The following MAEA variants were observed in gnomAD, a reference collection of about 807,000 sequenced individuals.
The protein encoded by MAEA is macrophage erythroblast attacher, E3 ubiquitin ligase.
In MAEA, 22 loss-of-function variants were observed where a neutral mutation model predicts 46.2. That is an observed-to-expected ratio of 0.48 (90% CI 0.34 to 0.68). The LOEUF (loss-of-function observed/expected upper bound fraction) is 0.68, where lower values mean the gene tolerates loss of function less well. Ranked by LOEUF, MAEA falls within the 30% of genes least tolerant of loss-of-function variation. MAEA has a pLI of 0.01. For synonymous variants in MAEA, 246 were observed against 222.6 expected (o/e 1.11, Z -0.94); for missense variants, 393 against 558.1 (o/e 0.70, Z 2.98).
intron 1 of MAEA, among the ~76,000 whole-genome samples, chr4:1,293,431 T>A (rs1385469483): frequency 6.6e-6 from 1 of 152,204 alleles, no homozygotes; most frequent in East Asian, 1.9e-4. Flanking sequence ...TTTCTTCAAG[T>A]TACCCTGCTG....
At chr4:1,327,908 G>A (rs899706216) in intron 5 of MAEA, among the ~76,000 whole-genome samples, 2 of 152,176 alleles carry the variant, frequency 1.3e-5, no homozygotes, top group Non-Finnish European at 2.9e-5. Flanking sequence ...AGCCTGGCAG[G>A]GCCCCCGCCA....
At chr4:1,298,929 G>A (rs148244778) in intron 1 of MAEA, among the ~76,000 whole-genome samples, 5,820 of 152,046 alleles carry the variant, frequency 0.038, 250 homozygotes, top group East Asian at 0.2. Flanking sequence ...GCACCCAGGC[G>A]GGAGTGCAGT....
chr4:1,321,447 T>A (rs1738087924), intron 3 of MAEA, among the ~76,000 whole-genome samples: 1 of 152,172 alleles, frequency 6.6e-6, no homozygotes, highest in Admixed American at 6.5e-5. Context: ...AAGAAAATGC[T>A]ATGAAGGGGT....
intron 5 of MAEA, chr4:1,330,891 G>A (rs563842970): frequency 1.3e-5 from 2 of 152,370 alleles, no homozygotes; most frequent in South Asian, 2.1e-4. Context: ...AGGGACCTGG[G>A]GTGCGAGGTG....
intron 4 of MAEA, among the ~76,000 whole-genome samples, chr4:1,326,452 T>C (rs1577215315): frequency 6.6e-6 from 1 of 152,316 alleles, no homozygotes; most frequent in East Asian, 1.9e-4. Flanking sequence ...CCGCGTCTCA[T>C]CTTGGATGAC....
chr4:1,333,993 C>G (rs1168020294), intron 6 of MAEA, among the ~76,000 whole-genome samples: 1 of 63,052 alleles, frequency 1.6e-5, no homozygotes, highest in Non-Finnish European at 3.1e-5. Flanking sequence ...CCCCTGCACC[C>G]ATCCCATGCC....
intron 3 of MAEA, among the ~76,000 whole-genome samples, chr4:1,319,622 G>T (rs929482215): frequency 6.6e-6 from 1 of 152,246 alleles, no homozygotes; most frequent in Admixed American, 6.5e-5. Context: ...TACAAAACAA[G>T]GCCTTTGGGA....
At chr4:1,292,561 G>A (rs1231688050) in intron 1 of MAEA, among the ~76,000 whole-genome samples, 2 of 152,166 alleles carry the variant, frequency 1.3e-5, no homozygotes, top group Admixed American at 6.5e-5. Flanking sequence ...AGCCTTTGTC[G>A]GTGGTGGGGG....
intron 1 of MAEA, among the ~76,000 whole-genome samples, chr4:1,308,077 G>A (rs1249776512): frequency 5.3e-5 from 5 of 95,224 alleles, no homozygotes; most frequent in South Asian, 3.4e-4. Context: ...TGTGAACATC[G>A]TGGAATGAAC....
chr4:1,315,242 T>TGCCTA (rs1736977268), intron 2 of MAEA, among the ~76,000 whole-genome samples, 155 bp from the exon 3 acceptor site: 1 of 152,192 alleles, frequency 6.6e-6, no homozygotes, highest in African/African-American at 2.4e-5. Flanking sequence ...CAGGCACACC[T>TGCCTA]GCCTAGCGGA....
At position 1,339,085 on chromosome 4, in the gene MAEA, TA is replaced by T; in HGVS notation, c.1108del (p.Ile370SerfsTer69). The T allele has an allele frequency of 6.2e-7, 1 of 1,613,832 alleles. No homozygotes were observed. ...GTTTTATTTTTCAGTCTCTGCTTTC[TA>T]TCCGTCAAGATGATAAAGTCGTGTG... ...YVYGYNSLLSIRQDDKVVCPR... is the reference protein window; with the variant it reads ...YVYGYNSLLSXRQDDKVVCPR... On this transcript the variant is annotated frameshift_variant, in exon 9 of 9. Coordinates refer to ENST00000303400, the MANE Select transcript of MAEA (RefSeq NM_001017405.3). LOFTEE classifies it high-confidence loss of function.
chr4:1,299,278 C>T (rs1735082403), intron 1 of MAEA, among the ~76,000 whole-genome samples: 1 of 152,216 alleles, frequency 6.6e-6, no homozygotes, highest in Non-Finnish European at 1.5e-5. Flanking sequence ...CCCTCCATCT[C>T]CCTTGGTCAG....
intron 1 of MAEA, chr4:1,298,062 C>A: frequency 2.2e-6 from 1 of 456,308 alleles, no homozygotes; most frequent in Non-Finnish European, 4.4e-6. Flanking sequence ...GTGTCGAGTA[C>A]TGCCTGGCAG....
intron 5 of MAEA, chr4:1,329,233 G>A: frequency 1.0e-6 from 1 of 985,740 alleles, no homozygotes; most frequent in Non-Finnish European, 1.2e-6. Context: ...ATTTGCCTGT[G>A]TTACCCTGGC....
intron 1 of MAEA, among the ~76,000 whole-genome samples, chr4:1,297,513 C>G (rs1734865124): frequency 6.9e-6 from 1 of 145,822 alleles, no homozygotes; most frequent in Admixed American, 6.7e-5. Context: ...TGAGTGTGGG[C>G]TCATTGCTGC....
At chr4:1,320,745 TC>T (rs1166822695) in intron 3 of MAEA, among the ~76,000 whole-genome samples, 21 of 150,372 alleles carry the variant, frequency 1.4e-4, no homozygotes, top group African/African-American at 4.7e-4. Context: ...AGAAAAGAAA[TC>T]ATCAAAGCGA....
intron 1 of MAEA, among the ~76,000 whole-genome samples, chr4:1,300,354 G>T (rs912129080): frequency 2.0e-5 from 3 of 152,236 alleles, no homozygotes; most frequent in Non-Finnish European, 4.4e-5. Context: ...ACCAAGAAGG[G>T]CTGGGCCTTG....
At chr4:1,326,024 C>T (rs1279052177) in intron 4 of MAEA, among the ~76,000 whole-genome samples, 1 of 151,752 alleles carries the variant, frequency 6.6e-6, no homozygotes, top group Non-Finnish European at 1.5e-5. Context: ...CTGAGCCCCT[C>T]TGAGCCCCTG....
chr4:1,299,798 C>T lies in MAEA; in HGVS notation c.69+9816C>T, dbSNP rs529795853. The T allele has an allele frequency of 3.3e-5, 5 of 152,414 alleles. No homozygotes were observed. In the East Asian group the frequency reaches 9.6e-4, roughly 29 times the overall value. 9.4% of individuals were successfully genotyped at this position (152,414 alleles called of 1,614,324 possible). A position where few individuals can be genotyped will look rare whatever the true frequency, so the allele number is the denominator to read the frequency against. ...TTCGCTGAGCTGTCAGCTTGTGAAG[C>T]TTCTCTGACTCCACTGTTGAAACTG... On this transcript the variant is annotated intron_variant, in intron 1 of 8. Transcript: ENST00000303400.
Sources: allele counts gnomAD v4.1 joint callset (sites outside exome capture counted in the v4.1 genomes callset), GRCh38; gene constraint gnomAD v4.1.1; transcripts MANE v1.5; gene names NCBI Gene and HGNC (gene_info 2026-07-23, HGNC 2026-07-21).